The following P2RX5 variants were observed in gnomAD, a reference collection of about 807,000 sequenced individuals.
The protein encoded by P2RX5 is P2X purinoceptor 5.
P2RX5 carries 46 observed loss-of-function variants against 54.1 expected under a neutral mutation model. That is an observed-to-expected ratio of 0.85 (90% CI 0.67 to 1.09). The LOEUF (loss-of-function observed/expected upper bound fraction) is 1.09, where lower values mean the gene tolerates loss of function less well. Among genes scored for constraint, P2RX5 ranks in the 50% least tolerant of loss-of-function variants. The probability of loss-of-function intolerance (pLI) is 0.00; values close to 1 mark genes in which losing one functional copy is unlikely to be tolerated. For synonymous variants in P2RX5, 226 were observed against 226.4 expected, an observed-to-expected ratio of 1.00 and a Z score of 0.02; for missense variants, 566 against 549.8, an observed-to-expected ratio of 1.03 and a Z score of -0.29.
the P2RX5 span, among the ~76,000 whole-genome samples, chr17:3,715,572 A>G: frequency 1.3e-5 from 2 of 152,166 alleles, no homozygotes; most frequent in Admixed American, 1.3e-4. Flanking sequence ...GGGAGAAAAA[A>G]GCAAGGTCAG....
chr17:3,702,325 G>A, the P2RX5 span, among the ~76,000 whole-genome samples: 1 of 152,138 alleles, frequency 6.6e-6, no homozygotes, highest in Admixed American at 6.5e-5. Flanking sequence ...GATTGTAAAC[G>A]CACCAACCAG....
chr17:3,698,999 A>AGT (rs1199516679), upstream of P2RX5, among the ~76,000 whole-genome samples: 1 of 151,664 alleles, frequency 6.6e-6, no homozygotes, highest in East Asian at 1.9e-4. Context: ...TGAGCCCAGG[A>AGT]GTTCAAGACC....
chr17:3,676,931 G>C (rs2050118097), intron 11 of P2RX5: 1 of 265,282 alleles, frequency 3.8e-6, no homozygotes, highest in African/African-American at 2.3e-5. Context: ...GCATGGTGGT[G>C]GGCACCTGTA....
intron 1 of P2RX5, among the ~76,000 whole-genome samples, chr17:3,693,971 G>T (rs1302722500): frequency 6.6e-6 from 1 of 151,962 alleles, no homozygotes; most frequent in Admixed American, 6.6e-5. Flanking sequence ...TACCACGTTG[G>T]TCAGGCTAGC....
the P2RX5 span, among the ~76,000 whole-genome samples, chr17:3,723,113 T>G: frequency 2.0e-5 from 3 of 152,024 alleles, no homozygotes; most frequent in Non-Finnish European, 4.4e-5. Flanking sequence ...GTAACTGGAG[T>G]ATATCTCCCT....
chr17:3,689,924 GCGCACACA>G (rs966397123), intron 6 of P2RX5, 138 bp downstream of exon 6: 79 of 852,246 alleles, frequency 9.3e-5, no homozygotes, highest in East Asian at 3.1e-4. Context: ...ACACATGCAC[GCGCACACA>G]CGCACACACG....
At chr17:3,716,944 A>G in the P2RX5 span, 2 of 588,896 alleles carry the variant, frequency 3.4e-6, no homozygotes, top group African/African-American at 3.7e-5. Flanking sequence ...AAAAAGCTAG[A>G]TATTCCCTGA....
At position 3,690,663 on chromosome 17, in the gene P2RX5, A is replaced by G; in HGVS notation, c.378T>C (p.Asp126=). Residue 126 remains aspartate (D), a synonymous_variant, in exon 4 of 12, where the codon GAT becomes GAC. Coordinates refer to ENST00000225328, the MANE Select transcript of P2RX5 (RefSeq NM_002561.4). ...AGTCGCTGTCCTTGGAGCACGCGCC[A>G]TCAGGAATGCCTTCATTCTGCCAGG... ...NVCAENEGIP[D]GACSKDSDCH... The G allele has an allele frequency of 6.2e-7, 1 of 1,613,280 alleles. No homozygotes were observed. The highest frequency in any genetic ancestry group is 8.5e-7 in the Non-Finnish European group (1 of 1,180,020).
chr17:3,695,705 C>G (rs1016979510), intron 1 of P2RX5, among the ~76,000 whole-genome samples, 164 bp downstream of exon 1: 7 of 152,128 alleles, frequency 4.6e-5, no homozygotes, highest in Non-Finnish European at 8.8e-5. Context: ...ACTCCTACAC[C>G]CAAGGACCCA....
intron 1 of P2RX5, among the ~76,000 whole-genome samples, chr17:3,694,275 G>C: frequency 7.3e-6 from 1 of 136,594 alleles, no homozygotes; most frequent in East Asian, 2.4e-4. Context: ...TCATTTATAC[G>C]AAATACCCAG....
intron 10 of P2RX5, 54 bp downstream of exon 10, chr17:3,681,842 C>T (rs948741467): frequency 2.3e-5 from 28 of 1,222,870 alleles, no homozygotes; most frequent in East Asian, 7.0e-5. Flanking sequence ...CTCGAAGCCA[C>T]GGGGGTGCTC....
the P2RX5 span, chr17:3,723,485 G>A: frequency 5.8e-6 from 6 of 1,026,568 alleles, no homozygotes; most frequent in Admixed American, 3.6e-5. Context: ...CCAGAATAGA[G>A]GGTGTGAGCA....
At chr17:3,723,051 G>A in the P2RX5 span, among the ~76,000 whole-genome samples, 48 of 152,206 alleles carry the variant, frequency 3.2e-4, no homozygotes, top group Non-Finnish European at 6.2e-4. Context: ...TGGAATAGAC[G>A]TGGGGATGTA....
At chr17:3,723,699 T>A in the P2RX5 span, 1 of 1,601,372 alleles carries the variant, frequency 6.2e-7, no homozygotes, top group South Asian at 1.1e-5. Flanking sequence ...TGAACCGAAC[T>A]GTACGCACAA....
chr17:3,696,891 C>T (rs989073076), upstream of P2RX5, among the ~76,000 whole-genome samples: 1 of 152,114 alleles, frequency 6.6e-6, no homozygotes, highest in Admixed American at 6.6e-5. Flanking sequence ...GGTCTCCTGC[C>T]AGGGAGATAC....
At chr17:3,674,266 G>A (rs1267926846) in intron 11 of P2RX5, among the ~76,000 whole-genome samples, 3 of 151,660 alleles carry the variant, frequency 2.0e-5, no homozygotes, top group Admixed American at 6.6e-5. Flanking sequence ...AGCCGAGATC[G>A]CGCCACGGCA....
upstream of P2RX5, among the ~76,000 whole-genome samples, chr17:3,697,420 G>A (rs1479485615): frequency 6.6e-6 from 1 of 152,156 alleles, no homozygotes; most frequent in East Asian, 1.9e-4. Context: ...GTGAGGAGCT[G>A]CGCACGCTTA....
the P2RX5 span, among the ~76,000 whole-genome samples, chr17:3,704,711 AG>A: frequency 5.3e-5 from 8 of 152,336 alleles, no homozygotes; most frequent in African/African-American, 1.7e-4. Context: ...GGCACTAAAA[AG>A]GATAAAGATT....
At chr17:3,676,967 CAG>C in intron 11 of P2RX5, 1 of 453,506 alleles carries the variant, frequency 2.2e-6, no homozygotes, top group Non-Finnish European at 2.9e-6. Context: ...GAGGCTGAGA[CAG>C]GAGAATCGAT....
Sources: gnomAD v4.1 joint callset for allele counts (sites outside exome capture counted in the v4.1 genomes callset) on GRCh38, gnomAD v4.1.1 for gene constraint, MANE v1.5 for transcripts, NCBI Gene and HGNC (gene_info 2026-07-23, HGNC 2026-07-21) for gene names.